Variants in CYP11A1 observed in about 807,000 individuals in gnomAD.
CYP11A1 encodes the protein cytochrome P450 family 11 subfamily A member 1.
CYP11A1 carries 25 observed loss-of-function variants against 51.9 expected under a neutral mutation model. The observed-to-expected ratio is 0.48, with a 90% CI of 0.35 to 0.67. The LOEUF (loss-of-function observed/expected upper bound fraction) is 0.67, where lower values mean the gene tolerates loss of function less well. Among genes scored for constraint, CYP11A1 ranks in the 30% least tolerant of loss-of-function variants. The probability of loss-of-function intolerance (pLI) is 0.00; values close to 1 mark genes in which losing one functional copy is unlikely to be tolerated. For synonymous variants in CYP11A1, 245 were observed against 262.1 expected (o/e 0.93, Z 0.63); for missense variants, 578 against 680.9 (o/e 0.85, Z 1.68).
intron 1 of CYP11A1, among the ~76,000 whole-genome samples, chr15:74,351,748 T>C (rs1309714331): frequency 6.6e-6 from 1 of 152,218 alleles, no homozygotes; most frequent in Admixed American, 6.5e-5. Context: ...ATCTGAAGTT[T>C]ACTGTTGAAT....
chr15:74,364,812 T>C (rs1356797957), intron 1 of CYP11A1, among the ~76,000 whole-genome samples: 13 of 152,002 alleles, frequency 8.6e-5, no homozygotes, highest in Admixed American at 7.9e-4. Flanking sequence ...GAAGCACTAA[T>C]AGGCCTAGGA....
chr15:74,361,823 G>A, intron 1 of CYP11A1: 12 of 1,180,746 alleles, frequency 1.0e-5, no homozygotes, highest in Non-Finnish European at 1.4e-5. Flanking sequence ...TCATCCTAAG[G>A]CATACACGTC....
intron 1 of CYP11A1, among the ~76,000 whole-genome samples, chr15:74,357,057 G>C (rs968654155): frequency 3.3e-5 from 5 of 152,140 alleles, no homozygotes; most frequent in African/African-American, 1.2e-4. Context: ...TTACAGGTTA[G>C]TGCAGGATCT....
chr15:74,347,449 A>G (rs2060637637), intron 2 of CYP11A1, among the ~76,000 whole-genome samples: 1 of 152,176 alleles, frequency 6.6e-6, no homozygotes, highest in South Asian at 2.1e-4. Context: ...AGAAAACAGT[A>G]TCCACTACAC....
In CYP11A1 at chr15:74,343,818, A is replaced by C. The variant is rs780205868; in HGVS notation, c.800T>G (p.Val267Gly). The C allele has an allele frequency of 1.2e-6, 2 of 1,613,110 alleles. No homozygotes were observed. The highest frequency in any genetic ancestry group is 1.7e-6 in the Non-Finnish European group (2 of 1,180,014). Residue 267 changes from valine to glycine, a missense_variant, in exon 4 of 9, where the codon GTG (valine) becomes GGG (glycine). Val to Gly is a moderately radical substitution (Grantham distance 109, BLOSUM62 -3). Transcript: ENST00000268053. ...ACTGAAAATCACGTCCCATGCAGCC[A>C]CATGGTCCTTCCAGGTCTTGGTCCT... ...LFRTKTWKDH[V>G]AAWDVIFSKA...
In CYP11A1 at chr15:74,343,008, A is replaced by T; in HGVS notation, c.959T>A (p.Val320Asp). 6.2e-7 allele frequency: 1 copy of T among 1,612,680 alleles called. No homozygotes were observed. The highest frequency in any genetic ancestry group is 1.3e-5 in the African/African-American group (1 of 74,992). Residue 320 changes from valine (V) to aspartate (D), a missense_variant, in exon 5 of 9, where the codon GTC (valine) becomes GAC (aspartate). By Grantham distance (152) the Val-to-Asp change is radical. Transcript: ENST00000268053. ...KMSFEDIKAN[V>D]TEMLAGGVDT... ...CACCCCTCCTGCCAGCATCTCTGTG[A>T]CGTTGGCCTTGATGTCCTCGAAGGA...
chr15:74,357,403 C>T (rs1214733509), intron 1 of CYP11A1, among the ~76,000 whole-genome samples: 4 of 152,204 alleles, frequency 2.6e-5, no homozygotes, highest in African/African-American at 7.2e-5. Flanking sequence ...CTGCTGATCA[C>T]GTCCAGCTAA....
chr15:74,366,093 T>C, intron 1 of CYP11A1: 1 of 984,994 alleles, frequency 1.0e-6, no homozygotes, highest in South Asian at 4.7e-5. Context: ...GAGGCGGAGG[T>C]GAGCGACCCG....
At chr15:74,360,790 C>T (rs2060704908) in intron 1 of CYP11A1, among the ~76,000 whole-genome samples, 1 of 152,080 alleles carries the variant, frequency 6.6e-6, no homozygotes, top group Admixed American at 6.5e-5. Flanking sequence ...GTAATCCCAG[C>T]TACTGGGGAG....
intron 1 of CYP11A1, chr15:74,350,175 CTTAAATG>C (rs776060284): frequency 2.8e-5 from 10 of 353,288 alleles, no homozygotes; most frequent in African/African-American, 4.5e-5. Flanking sequence ...CCTCATGATA[CTTAAATG>C]TTAAATCAAT....
chr15:74,339,401 C>T lies in CYP11A1; in HGVS notation c.1158-86G>A, dbSNP rs992748565. On this transcript the variant is annotated intron_variant, in intron 6 of 8. Transcript: ENST00000268053. The stretch of plus-strand genomic sequence containing the variant: ...CCCACACCCTGTGTGGCATCTCAGC[C>T]CTAGCTGCAGCAGCCTGGGGGGACC... 15 of 1,480,488 alleles carry T rather than the reference C, an allele frequency of 1.0e-5. No homozygotes were observed. The Admixed American group carries it at 2.4e-4, about 23-fold the overall frequency. 91.7% of individuals were successfully genotyped at this position (1,480,488 alleles called of 1,614,324 possible).
intron 5 of CYP11A1, among the ~76,000 whole-genome samples, chr15:74,342,626 GC>G (rs950793819): frequency 2.6e-5 from 4 of 152,202 alleles, no homozygotes; most frequent in Admixed American, 2.6e-4. Context: ...TCCACCAGGA[GC>G]TGGGGGCATT....
chr15:74,347,908 G>A lies in CYP11A1; in HGVS notation c.417C>T (p.Val139=), dbSNP rs141998085. ...GATGGCCCAGGACTCACTTCAACAG[G>A]ACTCCTATGGGTCTCTGGTAATACT... The part of the protein sequence containing the change: ...YHQYYQRPIG[V]LLKKSAAWKK... The change falls in exon 2 of 9, where the codon GTC becomes GTT. Residue 139 remains valine (V), a synonymous_variant. Transcript: ENST00000268053. 276 of 1,614,146 alleles carry A rather than the reference G, an allele frequency of 1.7e-4. 2 individuals are homozygous for A. In the African/African-American group the frequency reaches 3.4e-3, roughly 20 times the overall value.
chr15:74,353,167 C>T (rs566363337), intron 1 of CYP11A1, among the ~76,000 whole-genome samples: 1 of 152,236 alleles, frequency 6.6e-6, no homozygotes, highest in South Asian at 2.1e-4. Context: ...TTGTCTAATT[C>T]AGAAGTTATC....
chr15:74,366,341 T>G, intron 1 of CYP11A1: 1 of 812,824 alleles, frequency 1.2e-6, no homozygotes, highest in South Asian at 5.6e-5. Flanking sequence ...GGGAGTGCAG[T>G]GACATGATCT....
rs780138488 is a variant in CYP11A1 at position 74,338,696 on chromosome 15, G to A, written c.1309C>T (p.Pro437Ser). ...TTGTCTTTGCTCAGCCATCGGGTTG[G>A]GTCAAAATTTTCCGGGTCGAAGAAG... ...TFFFDPENFDPTRWLSKDKNI... is the reference protein window; with the variant it reads ...TFFFDPENFDSTRWLSKDKNI... The change falls in exon 8 of 9, where the codon CCA (proline) becomes TCA (serine). Residue 437 changes from proline to serine, a missense_variant. Physicochemically the swap from Pro to Ser is moderately conservative, Grantham distance 74. Transcript: ENST00000268053. The A allele has an allele frequency of 1.9e-6, 3 of 1,614,176 alleles. No homozygotes were observed. The highest frequency in any genetic ancestry group is 2.5e-6 in the Non-Finnish European group (3 of 1,180,008).
Position 74,339,773 on chromosome 15 carries a change from A to G in CYP11A1, c.991-20T>C. 6.2e-7 allele frequency: 1 copy of G among 1,613,788 alleles called. No homozygotes were observed. Among genetic ancestry groups the G allele is most frequent in the Non-Finnish European group, 8.5e-7 (1 of 1,179,894 alleles). ...GGACGTCTGGTGGGGAGTAGGGTAT[A>G]CAGAAGACCAGGAGGGCCTGTCACT... On this transcript the variant is annotated intron_variant, in intron 5 of 8. Transcript: ENST00000268053.
intron 2 of CYP11A1, 74 bp downstream of exon 2, chr15:74,347,826 C>T (rs1458416397): frequency 1.1e-5 from 17 of 1,546,758 alleles, no homozygotes; most frequent in Non-Finnish European, 1.4e-5. Flanking sequence ...CTCAGCCCCT[C>T]ACCCCCAGCC....
chr15:74,354,702 TA>T (rs1391613376), intron 1 of CYP11A1: 1 of 154,126 alleles, frequency 6.5e-6, no homozygotes, highest in Non-Finnish European at 1.4e-5. Flanking sequence ...AGCCTCTTTT[TA>T]CTCTCTTCTC....
Sources: gnomAD v4.1 joint callset for allele counts (sites outside exome capture counted in the v4.1 genomes callset) on GRCh38, gnomAD v4.1.1 for gene constraint, MANE v1.5 for transcripts, NCBI Gene and HGNC (gene_info 2026-07-23, HGNC 2026-07-21) for gene names.